Variants in SCHIP1 observed in about 807,000 individuals in gnomAD.
SCHIP1 encodes the protein schwannomin-interacting protein 1.
In SCHIP1, 8 loss-of-function variants were observed where a neutral mutation model predicts 29.7. The observed-to-expected ratio is 0.27, with a 90% CI of 0.16 to 0.49. The LOEUF (loss-of-function observed/expected upper bound fraction) is 0.49. Ranked by LOEUF, SCHIP1 falls within the 20% of genes least tolerant of loss-of-function variation. The pLI is 0.99. For synonymous variants in SCHIP1, 76 were observed against 94.9 expected, an observed-to-expected ratio of 0.80 and a Z score of 1.16; for missense variants, 193 against 294.6, an observed-to-expected ratio of 0.66 and a Z score of 2.52.
At chr3:159,720,235 G>A in the SCHIP1 span, among the ~76,000 whole-genome samples, 1 of 130,622 alleles carries the variant, frequency 7.7e-6, no homozygotes, top group Non-Finnish European at 1.6e-5. Context: ...TCGTGGGGTG[G>A]GGGGAGGGGG....
the SCHIP1 span, among the ~76,000 whole-genome samples, chr3:159,790,734 C>T: frequency 6.6e-6 from 1 of 152,082 alleles, no homozygotes; most frequent in Non-Finnish European, 1.5e-5. Flanking sequence ...ATTGAGAGGA[C>T]CTGACTTTGA....
At chr3:159,356,468 C>T in the SCHIP1 span, among the ~76,000 whole-genome samples, 1 of 152,062 alleles carries the variant, frequency 6.6e-6, no homozygotes, top group African/African-American at 2.4e-5. Context: ...TTTAGCAAGT[C>T]CCTATTTCTA....
the SCHIP1 span, among the ~76,000 whole-genome samples, chr3:159,325,380 A>G: frequency 2.6e-5 from 4 of 152,128 alleles, no homozygotes; most frequent in Admixed American, 2.6e-4. Context: ...GTAAGTTTAC[A>G]CCACAATCTT....
chr3:159,486,919 T>C, the SCHIP1 span, among the ~76,000 whole-genome samples: 256 of 152,328 alleles, frequency 1.7e-3, no homozygotes, highest in African/African-American at 5.9e-3. Flanking sequence ...TAATTGGATA[T>C]ATTGTTGCCT....
intron 1 of SCHIP1, among the ~76,000 whole-genome samples, chr3:159,860,397 G>C (rs1453506652): frequency 5.9e-5 from 9 of 152,044 alleles, no homozygotes. Flanking sequence ...CAGAGTCTCC[G>C]GCCCTGTCTT....
At chr3:159,461,067 A>G in the SCHIP1 span, among the ~76,000 whole-genome samples, 1 of 151,670 alleles carries the variant, frequency 6.6e-6, no homozygotes, top group Admixed American at 6.6e-5. Context: ...CCAGGCCAAC[A>G]CTTCTGACTC....
the SCHIP1 span, among the ~76,000 whole-genome samples, chr3:159,783,884 G>A: frequency 0.72 from 110,152 of 152,056 alleles, 40,427 homozygotes; most frequent in East Asian, 0.99. Flanking sequence ...AGCTTTAGGC[G>A]CACTAACCCA....
At chr3:159,489,519 A>ACTT in the SCHIP1 span, among the ~76,000 whole-genome samples, 1 of 152,230 alleles carries the variant, frequency 6.6e-6, no homozygotes, top group African/African-American at 2.4e-5. Context: ...AATAACTGAT[A>ACTT]AAACAATATA....
the SCHIP1 span, among the ~76,000 whole-genome samples, chr3:159,782,655 CAGTT>C: frequency 6.6e-6 from 1 of 152,216 alleles, no homozygotes; most frequent in Non-Finnish European, 1.5e-5. Context: ...TCTTAAGTCT[CAGTT>C]AGAAACTCAT....
the SCHIP1 span, among the ~76,000 whole-genome samples, chr3:159,480,166 GA>G: frequency 9.9e-5 from 15 of 152,266 alleles, no homozygotes; most frequent in East Asian, 2.9e-3. Context: ...GTAGCTACTT[GA>G]GTGAGTCATG....
intron 1 of SCHIP1, among the ~76,000 whole-genome samples, chr3:159,844,927 C>T (rs1711574449): frequency 6.6e-6 from 1 of 152,218 alleles, no homozygotes; most frequent in Non-Finnish European, 1.5e-5. Context: ...GAATAACACT[C>T]ATCTTTTTCC....
chr3:159,533,865 T>G, the SCHIP1 span, among the ~76,000 whole-genome samples: 155 of 152,350 alleles, frequency 1.0e-3, 1 homozygote, highest in African/African-American at 3.5e-3. Flanking sequence ...TTTTAGGATC[T>G]AAGTCAAGAA....
At chr3:159,394,252 G>A in the SCHIP1 span, among the ~76,000 whole-genome samples, 1,645 of 150,886 alleles carry the variant, frequency 0.011, 34 homozygotes, top group African/African-American at 0.037. Flanking sequence ...CAATCATGTC[G>A]TCTGCAAACA....
intron 5 of SCHIP1, among the ~76,000 whole-genome samples, chr3:159,889,752 G>A (rs756823536): frequency 7.9e-5 from 12 of 152,188 alleles, no homozygotes; most frequent in Admixed American, 3.9e-4. Context: ...GTTTTAGTAA[G>A]GATTGATTTA....
chr3:159,419,216 A>C, the SCHIP1 span, among the ~76,000 whole-genome samples: 3 of 152,128 alleles, frequency 2.0e-5, no homozygotes, highest in Admixed American at 2.0e-4. Context: ...TGGTCAGTTA[A>C]TCTCTCTGCA....
At chr3:159,596,346 T>C in the SCHIP1 span, among the ~76,000 whole-genome samples, 2 of 152,220 alleles carry the variant, frequency 1.3e-5, no homozygotes, top group Non-Finnish European at 2.9e-5. Flanking sequence ...TTTACATTGT[T>C]GGTGGAACTG....
chr3:159,588,076 G>T, the SCHIP1 span, among the ~76,000 whole-genome samples: 4 of 152,192 alleles, frequency 2.6e-5, no homozygotes, highest in African/African-American at 9.6e-5. Flanking sequence ...CCAGTTTACA[G>T]TACCACCAAC....
chr3:159,515,415 T>A, the SCHIP1 span, among the ~76,000 whole-genome samples: 1 of 152,232 alleles, frequency 6.6e-6, no homozygotes, highest in Non-Finnish European at 1.5e-5. Flanking sequence ...GTCAGCATGG[T>A]CCTGTTGGAA....
At chr3:159,382,362 A>G in the SCHIP1 span, among the ~76,000 whole-genome samples, 6 of 148,516 alleles carry the variant, frequency 4.0e-5, no homozygotes, top group Admixed American at 6.9e-5. Flanking sequence ...GCGGTGTTTG[A>G]TTTTTTGTTC....
Sources: allele counts gnomAD v4.1 joint callset (sites outside exome capture counted in the v4.1 genomes callset), GRCh38; gene constraint gnomAD v4.1.1; transcripts MANE v1.5; gene names NCBI Gene and HGNC (gene_info 2026-07-23, HGNC 2026-07-21).